Variants in EPB41L2 observed in about 807,000 individuals in gnomAD.
EPB41L2 encodes erythrocyte membrane protein band 4.1 like 2, also known as band 4.1-like protein 2.
A neutral mutation model predicts 113.0 loss-of-function variants in EPB41L2; 43 were observed. The observed-to-expected ratio is 0.38, with a 90% CI of 0.30 to 0.49. The LOEUF is 0.49. Ranked by LOEUF, EPB41L2 falls within the 20% of genes least tolerant of loss-of-function variation. The pLI is 0.95. For synonymous variants in EPB41L2, 442 were observed against 436.7 expected, an observed-to-expected ratio of 1.01 and a Z score of -0.15; for missense variants, 1,147 against 1,223.4, an observed-to-expected ratio of 0.94 and a Z score of 0.93.
chr6:130,995,375 A>T (rs1782860040), intron 1 of EPB41L2, among the ~76,000 whole-genome samples: 1 of 152,178 alleles, frequency 6.6e-6, no homozygotes, highest in African/African-American at 2.4e-5. Context: ...ACAGTGGCTC[A>T]TGCCTGTAAT....
intron 1 of EPB41L2, among the ~76,000 whole-genome samples, chr6:130,989,369 G>A (rs1781308654): frequency 6.6e-6 from 1 of 152,116 alleles, no homozygotes; most frequent in African/African-American, 2.4e-5. Flanking sequence ...TGACAAATAG[G>A]TAGTCACAGC....
At position 130,878,190 on chromosome 6, in the gene EPB41L2, G is replaced by A. The variant is rs374441396; in HGVS notation, c.1957C>T (p.Arg653Cys). 11 of 1,613,052 alleles carry A rather than the reference G, an allele frequency of 6.8e-6. No homozygotes were observed. Among genetic ancestry groups the A allele is most frequent in the Admixed American group, 5.0e-5 (3 of 59,856 alleles). ...KHQASISELK[R>C]NFMESTPEPR... ...TCAGGTGTGGATTCCATAAAATTGCGCTTGAGTTCACTAATGCTAGCCTGA... is the reference window on the plus strand; with the variant it reads ...TCAGGTGTGGATTCCATAAAATTGCACTTGAGTTCACTAATGCTAGCCTGA... The change falls in exon 14 of 20, where the codon CGC becomes TGC. Residue 653 changes from arginine (R) to cysteine (C), a missense_variant. Arg to Cys is a radical substitution (Grantham distance 180). Coordinates refer to ENST00000337057, the MANE Select transcript of EPB41L2 (RefSeq NM_001431.4).
chr6:130,907,593 T>A (rs1798105932), intron 5 of EPB41L2, among the ~76,000 whole-genome samples: 1 of 151,852 alleles, frequency 6.6e-6, no homozygotes, highest in Non-Finnish European at 1.5e-5. Flanking sequence ...ATCAAAGACG[T>A]TTTTAAAAAG....
intron 3 of EPB41L2, among the ~76,000 whole-genome samples, chr6:130,943,443 A>G (rs1185974679): frequency 6.6e-6 from 1 of 152,210 alleles, no homozygotes; most frequent in Non-Finnish European, 1.5e-5. Context: ...TAATTCAAAG[A>G]TCTAGTTCCT....
At chr6:131,007,214 G>A (rs749581120) in intron 1 of EPB41L2, among the ~76,000 whole-genome samples, 20 of 152,242 alleles carry the variant, frequency 1.3e-4, no homozygotes, top group Non-Finnish European at 2.8e-4. Context: ...CAGTTTCCCC[G>A]ATTCTGTTCT....
At chr6:130,934,079 CA>C (rs1289653730) in intron 3 of EPB41L2, among the ~76,000 whole-genome samples, 4 of 152,204 alleles carry the variant, frequency 2.6e-5, no homozygotes, top group Non-Finnish European at 5.9e-5. Context: ...AGAGCAAACA[CA>C]ACAACTGATA....
At chr6:131,013,972 C>T (rs1584519492) in intron 1 of EPB41L2, 1 of 151,688 alleles carries the variant, frequency 6.6e-6, no homozygotes, top group Non-Finnish European at 1.5e-5. Context: ...ATGGGCAACA[C>T]GTGAAGCTAT....
intron 1 of EPB41L2, among the ~76,000 whole-genome samples, chr6:131,051,961 G>T (rs1158055393): frequency 9.3e-5 from 14 of 149,834 alleles, no homozygotes; most frequent in Non-Finnish European, 1.8e-4. Flanking sequence ...TTTTGAGACG[G>T]AGTCTTACTC....
chr6:131,027,491 T>C (rs1562761533), intron 1 of EPB41L2, among the ~76,000 whole-genome samples: 1 of 152,242 alleles, frequency 6.6e-6, no homozygotes, highest in Non-Finnish European at 1.5e-5. Flanking sequence ...CAGCGGGCTG[T>C]TGCCTAGCAA....
At chr6:130,969,349 TA>T (rs979017026) in intron 1 of EPB41L2, among the ~76,000 whole-genome samples, 1 of 152,214 alleles carries the variant, frequency 6.6e-6, no homozygotes, top group Non-Finnish European at 1.5e-5. Flanking sequence ...GGTCATCTGC[TA>T]ATTACAGTGG....
intron 1 of EPB41L2, among the ~76,000 whole-genome samples, chr6:130,989,581 A>G (rs1193814519): frequency 6.6e-6 from 1 of 152,232 alleles, no homozygotes; most frequent in Non-Finnish European, 1.5e-5. Flanking sequence ...CGAAGAATCA[A>G]AAAAGGTAAG....
At chr6:131,016,823 A>G (rs1788342998) in intron 1 of EPB41L2, among the ~76,000 whole-genome samples, 1 of 148,658 alleles carries the variant, frequency 6.7e-6, no homozygotes, top group African/African-American at 2.5e-5. Context: ...AAAAGAAAAA[A>G]AAAAAGCACT....
At chr6:131,062,261 C>T (rs532231035) in intron 1 of EPB41L2, 1 of 152,000 alleles carries the variant, frequency 6.6e-6, no homozygotes, top group South Asian at 2.1e-4. Flanking sequence ...TAACTGATGT[C>T]CCACCACAGA....
At chr6:130,989,229 G>C (rs143065002) in intron 1 of EPB41L2, among the ~76,000 whole-genome samples, 1 of 152,148 alleles carries the variant, frequency 6.6e-6, no homozygotes, top group African/African-American at 2.4e-5. Context: ...AACTGCCTTA[G>C]GTACACACAC....
intron 1 of EPB41L2, among the ~76,000 whole-genome samples, chr6:130,978,321 G>T (rs575076111): frequency 7.2e-5 from 11 of 152,278 alleles, no homozygotes; most frequent in African/African-American, 2.6e-4. Context: ...CCCAATCTGG[G>T]GCCCTCTCCT....
chr6:130,956,545 T>G (rs1317404820), intron 1 of EPB41L2, 46 bp from the exon 2 acceptor site: 1 of 1,532,496 alleles, frequency 6.5e-7, no homozygotes, highest in Non-Finnish European at 8.7e-7. Flanking sequence ...GTAAGTTCTC[T>G]CAAATTTAGT....
intron 1 of EPB41L2, among the ~76,000 whole-genome samples, chr6:131,049,683 G>T (rs1796154042): frequency 6.6e-6 from 1 of 152,192 alleles, no homozygotes; most frequent in African/African-American, 2.4e-5. Flanking sequence ...ACTTGTGGAG[G>T]CATTTGGCAT....
chr6:131,041,811 C>T (rs527564467), intron 1 of EPB41L2, among the ~76,000 whole-genome samples: 4 of 152,222 alleles, frequency 2.6e-5, no homozygotes, highest in African/African-American at 9.6e-5. Context: ...GACATATAAA[C>T]CAAACATAAT....
intron 3 of EPB41L2, among the ~76,000 whole-genome samples, chr6:130,930,542 G>A (rs1177596988): frequency 5.9e-5 from 9 of 152,132 alleles, no homozygotes; most frequent in Admixed American, 2.6e-4. Context: ...TACTCAACCT[G>A]TACCACCATC....
Sources: allele counts gnomAD v4.1 joint callset (sites outside exome capture counted in the v4.1 genomes callset), GRCh38; gene constraint gnomAD v4.1.1; transcripts MANE v1.5; gene names NCBI Gene and HGNC (gene_info 2026-07-23, HGNC 2026-07-21).